The following ZP3 variants were observed in gnomAD, a reference collection of about 807,000 sequenced individuals.
ZP3 encodes zona pellucida glycoprotein 3.
Under a neutral mutation model 35.6 loss-of-function variants are expected in ZP3, and 21 were observed. The observed-to-expected ratio is 0.59, with a 90% CI of 0.42 to 0.85. The LOEUF (loss-of-function observed/expected upper bound fraction) is 0.85, where lower values mean the gene tolerates loss of function less well. ZP3 is among the 40% of genes least tolerant of loss of function. The probability of loss-of-function intolerance (pLI) is 0.00; values close to 1 mark genes in which losing one functional copy is unlikely to be tolerated. For synonymous variants in ZP3, 207 were observed against 214.5 expected, an observed-to-expected ratio of 0.96 and a Z score of 0.31; for missense variants, 437 against 536.5, an observed-to-expected ratio of 0.81 and a Z score of 1.83.
At chr7:76,422,843 C>G (rs1805537155), upstream of ZP3, among the ~76,000 whole-genome samples, 1 of 151,032 alleles carries the variant, frequency 6.6e-6, no homozygotes, top group South Asian at 2.1e-4. Context: ...ACTAAAAATA[C>G]AAAAGTTAGC....
intron 1 of ZP3, among the ~76,000 whole-genome samples, chr7:76,411,070 C>T (rs930343999): frequency 2.3e-4 from 35 of 151,746 alleles, no homozygotes; most frequent in Middle Eastern, 3.4e-3. Flanking sequence ...AAAATCTCCA[C>T]GCCCCTGCTG....
chr7:76,408,467 C>T lies in ZP3; in HGVS notation c.-67+10670C>T, dbSNP rs1805119553. 1.3e-5 allele frequency among the ~76,000 whole-genome samples: 2 copies of T among 152,114 alleles called. 1 individual carries two copies. Among genetic ancestry groups the T allele is most frequent in the Admixed American group, 1.3e-4 (2 of 15,266 alleles). On this transcript the variant is annotated intron_variant, in intron 1 of 8. Coordinates refer to the ZP3 transcript ENST00000336517. ...TCTTGGCCTCCTTTTGCCTCCTGGC[C>T]TCAGTGCCACCCACTTCTCAGGCTG...
Position 76,441,951 on chromosome 7 carries a change from G to A in ZP3, c.1170G>A (p.Leu390=). 2.6e-6 allele frequency: 4 copies of A among 1,521,406 alleles called. No individual in the cohort carries two copies. The highest frequency in any genetic ancestry group is 2.3e-5 in the South Asian group (2 of 88,512). The allele number at this position is 1,521,406 out of a possible 1,614,324, so 94.2% of individuals were successfully genotyped here. A position where few individuals can be genotyped will look rare whatever the true frequency, so the allele number is the denominator to read the frequency against. Residue 390 remains leucine (L), a synonymous_variant, in exon 8 of 8, where the codon CTG becomes CTA. Transcript: ENST00000394857. Reference sequence around the variant, plus strand: ...CTTCTGACACCTCAGTGGTGCTGCTGGGCGTAGGCCTGGCTGTGGTGGTGT... The same window carrying A: ...CTTCTGACACCTCAGTGGTGCTGCTAGGCGTAGGCCTGGCTGTGGTGGTGT... ...ALPSDTSVVL[L]GVGLAVVVSL...
chr7:76,400,588 A>C, intron 1 of ZP3: 2 of 1,463,094 alleles, frequency 1.4e-6, no homozygotes, highest in Non-Finnish European at 1.8e-6. Flanking sequence ...CACCAGCCTC[A>C]GCTCTGTGAA....
At chr7:76,432,347 C>A (rs767826080) in intron 2 of ZP3, among the ~76,000 whole-genome samples, 1 of 152,024 alleles carries the variant, frequency 6.6e-6, no homozygotes, top group East Asian at 1.9e-4. Context: ...CGCCACCATG[C>A]CCGGATAATT....
Position 76,440,330 on chromosome 7 carries a change from G to A in ZP3, c.912G>A (p.Lys304=). 2 of 1,607,214 alleles carry A rather than the reference G, an allele frequency of 1.2e-6. No individual in the cohort carries two copies. The highest frequency in any genetic ancestry group is 1.7e-6 in the Non-Finnish European group (2 of 1,176,912). The change falls in exon 6 of 8, where the codon AAG becomes AAA. Residue 304 remains lysine (K), a synonymous_variant. Coordinates refer to ENST00000394857, the MANE Select transcript of ZP3 (RefSeq NM_001110354.2). ...DELNKACSFS[K]PSNSWFPVEG... is the part of the protein sequence containing the mutation. ...TCAACAAGGCCTGTTCCTTCAGCAA[G>A]CCTTCCAACAGGTGAGGAGGACAGG...
intron 5 of ZP3, among the ~76,000 whole-genome samples, chr7:76,437,665 T>G (rs1364112511): frequency 1.4e-5 from 2 of 147,160 alleles, no homozygotes; most frequent in East Asian, 2.0e-4. Flanking sequence ...TTCTGTATTT[T>G]TTTTTTTTTT....
upstream of ZP3, among the ~76,000 whole-genome samples, chr7:76,421,165 A>T (rs1805496327): frequency 6.6e-6 from 1 of 151,896 alleles, no homozygotes; most frequent in South Asian, 2.1e-4. Flanking sequence ...TAAACTCCTG[A>T]CCTCGTGATC....
intron 1 of ZP3, among the ~76,000 whole-genome samples, chr7:76,427,710 T>A (rs941882487): frequency 2.0e-5 from 3 of 152,142 alleles, no homozygotes; most frequent in Non-Finnish European, 4.4e-5. Flanking sequence ...GACTATTCCC[T>A]GAAGATCGAG....
chr7:76,423,071 G>GAA (rs1236808142), upstream of ZP3, among the ~76,000 whole-genome samples: 1 of 143,128 alleles, frequency 7.0e-6, no homozygotes, highest in Non-Finnish European at 1.5e-5. Flanking sequence ...AAGAAAGAAA[G>GAA]AAAGAAAGAA....
At chr7:76,441,095 T>C (rs941200520) in intron 7 of ZP3, among the ~76,000 whole-genome samples, 1 of 150,544 alleles carries the variant, frequency 6.6e-6, no homozygotes, top group African/African-American at 2.4e-5. Context: ...CACTTGAATC[T>C]GGGAGGCAGA....
upstream of ZP3, among the ~76,000 whole-genome samples, chr7:76,423,482 G>A (rs1460693453): frequency 6.6e-6 from 1 of 152,162 alleles, no homozygotes; most frequent in East Asian, 1.9e-4. Flanking sequence ...TCCTTCCTGA[G>A]GTGGGACACT....
rs3762031 is a variant in ZP3 at position 76,433,453 on chromosome 7, C to T, written c.536-17C>T. Reference sequence around the variant, plus strand: ...TACAGGCATGAGCCACCATGCCCAGCTGACTGTGTCTTTCAGAGAACTGGA... The same window carrying T: ...TACAGGCATGAGCCACCATGCCCAGTTGACTGTGTCTTTCAGAGAACTGGA... On this transcript the variant is annotated splice_polypyrimidine_tract_variant and intron_variant, in intron 3 of 7. Coordinates refer to ENST00000394857, the MANE Select transcript of ZP3 (RefSeq NM_001110354.2). The T allele has an allele frequency of 6.2e-7, 1 of 1,606,454 alleles. No individual in the cohort carries two copies. The highest frequency in any genetic ancestry group is 8.5e-7 in the Non-Finnish European group (1 of 1,175,818).
chr7:76,414,483 G>A (rs557686998), intron 1 of ZP3, among the ~76,000 whole-genome samples: 1 of 152,102 alleles, frequency 6.6e-6, no homozygotes, highest in Admixed American at 6.6e-5. Context: ...TGACTGGAGA[G>A]TGGGAAAATC....
At chr7:76,398,869 C>T in intron 1 of ZP3, 8 of 1,525,038 alleles carry the variant, frequency 5.2e-6, no homozygotes, top group Non-Finnish European at 1.8e-6. Context: ...GTTTAAGGGG[C>T]AGGAGGATGG....
chr7:76,421,797 A>G (rs1361101892), upstream of ZP3, among the ~76,000 whole-genome samples: 1 of 151,866 alleles, frequency 6.6e-6, no homozygotes, highest in Non-Finnish European at 1.5e-5. Flanking sequence ...CCTCTCTTGC[A>G]GGAATTTCAC....
chr7:76,421,213 C>T (rs1223527026), upstream of ZP3, among the ~76,000 whole-genome samples: 2 of 151,698 alleles, frequency 1.3e-5, no homozygotes, highest in African/African-American at 2.4e-5. Context: ...GGATGACAGG[C>T]GTGAGCCACT....
At chr7:76,430,152 G>A (rs1378708485) in intron 2 of ZP3, among the ~76,000 whole-genome samples, 5 of 152,120 alleles carry the variant, frequency 3.3e-5, no homozygotes, top group African/African-American at 1.2e-4. Context: ...AGAGGCTGCA[G>A]TGAGCCGAGA....
At chr7:76,424,949 C>T, upstream of ZP3, 3 of 1,505,904 alleles carry the variant, frequency 2.0e-6, no homozygotes, top group Middle Eastern at 3.4e-4. Context: ...CGGCTGCCTG[C>T]TGCTCTGCAG....
Sources: allele counts gnomAD v4.1 joint callset (sites outside exome capture counted in the v4.1 genomes callset), GRCh38; gene constraint gnomAD v4.1.1; transcripts MANE v1.5; gene names NCBI Gene and HGNC (gene_info 2026-07-23, HGNC 2026-07-21).